Variants in FANCL observed in about 807,000 individuals in gnomAD.
The protein encoded by FANCL is E3 ubiquitin-protein ligase FANCL.
Under a neutral mutation model 59.4 loss-of-function variants are expected in FANCL, and 69 were observed. That is an observed-to-expected ratio of 1.16 (90% CI 0.96 to 1.42). The LOEUF (loss-of-function observed/expected upper bound fraction) is 1.42, where lower values mean the gene tolerates loss of function less well. Among genes scored for constraint, FANCL ranks in the 40% most tolerant of loss-of-function variants. FANCL has a pLI of 0.00. For synonymous variants in FANCL, 180 were observed against 147.1 expected, an observed-to-expected ratio of 1.22 and a Z score of -1.62; for missense variants, 519 against 447.2, an observed-to-expected ratio of 1.16 and a Z score of -1.45.
intron 7 of FANCL, among the ~76,000 whole-genome samples, chr2:58,179,153 C>A (rs779047274): frequency 3.9e-5 from 6 of 152,184 alleles, no homozygotes; most frequent in Non-Finnish European, 7.4e-5. Flanking sequence ...AATGGCCATA[C>A]TGCCCTAAGT....
intron 1 of FANCL, among the ~76,000 whole-genome samples, chr2:58,235,140 TATA>T (rs1397880113): frequency 6.6e-6 from 1 of 151,602 alleles, no homozygotes; most frequent in African/African-American, 2.4e-5. Context: ...ATTCGCAAGG[TATA>T]GTACCAAGCA....
intron 5 of FANCL, among the ~76,000 whole-genome samples, chr2:58,217,207 TATATATATACACACACACAC>T (rs1482398658): frequency 3.1e-3 from 33 of 10,696 alleles, no homozygotes; most frequent in African/African-American, 7.3e-3. Flanking sequence ...TATATATATA[TATATATATACACACACACAC>T]ACACACACAC....
chr2:58,184,126 A>G (rs1688181864), intron 7 of FANCL, among the ~76,000 whole-genome samples: 1 of 152,058 alleles, frequency 6.6e-6, no homozygotes, highest in Non-Finnish European at 1.5e-5. Context: ...AATTATTACA[A>G]TGTAATCTCA....
At chr2:58,211,475 G>C (rs1041637696) in intron 5 of FANCL, among the ~76,000 whole-genome samples, 7 of 152,172 alleles carry the variant, frequency 4.6e-5, no homozygotes, top group African/African-American at 1.7e-4. Flanking sequence ...ATGCCCTGGA[G>C]ACATTTTCCC....
At chr2:58,193,818 T>C (rs1303504197) in intron 7 of FANCL, among the ~76,000 whole-genome samples, 2 of 152,110 alleles carry the variant, frequency 1.3e-5, no homozygotes, top group African/African-American at 2.4e-5. Context: ...TCTTTACATA[T>C]CCATGAAAAG....
intron 5 of FANCL, among the ~76,000 whole-genome samples, chr2:58,218,362 T>A (rs922923277): frequency 1.3e-5 from 2 of 151,898 alleles, no homozygotes; most frequent in Admixed American, 1.3e-4. Context: ...AAGTTGGGTC[T>A]TTGAAAAAAC....
Position 58,163,575 on chromosome 2 carries a change from T to TA in FANCL, c.692-59dup, listed in dbSNP as rs1685534274. 14 of 1,080,948 alleles carry TA rather than the reference T, an allele frequency of 1.3e-5. No individual in the cohort carries two copies. The South Asian group carries it at 1.8e-4, about 14-fold the overall frequency. The allele number at this position is 1,080,948 out of a possible 1,614,324, so 67.0% of individuals were successfully genotyped here. A position where few individuals can be genotyped will look rare whatever the true frequency, so the allele number is the denominator to read the frequency against. ...TAGAACAGCTCATCAAACAACCCAA[T>TA]AAAAAATAAAGAGGTGTTGGTCTGG... On this transcript the variant is annotated intron_variant, in intron 8 of 13. Coordinates refer to ENST00000233741, the MANE Select transcript of FANCL (RefSeq NM_018062.4).
At chr2:58,239,628 T>C (rs1009583721) in intron 1 of FANCL, among the ~76,000 whole-genome samples, 1 of 152,212 alleles carries the variant, frequency 6.6e-6, no homozygotes, top group African/African-American at 2.4e-5. Context: ...TCATTAAATA[T>C]CCTGATTTTA....
Position 58,233,049 on chromosome 2 carries a change from A to G in FANCL, c.97-937T>C, listed in dbSNP as rs184111605. Among the ~76,000 whole-genome samples the G allele has an allele frequency of 4.1e-3, 629 of 152,208 alleles. 5 individuals carry two copies. The highest frequency in any genetic ancestry group is 0.014 in the African/African-American group (589 of 41,552). ...TGGTAATATTACAGTTCTGACTTTC[A>G]TTACATTTAAATGTCCTTTAAAAAA... is the stretch of plus-strand genomic sequence containing the variant. On this transcript the variant is annotated intron_variant, in intron 1 of 13. Coordinates refer to ENST00000233741, the MANE Select transcript of FANCL (RefSeq NM_018062.4).
At chr2:58,238,027 G>A (rs917212237) in intron 1 of FANCL, among the ~76,000 whole-genome samples, 2 of 152,180 alleles carry the variant, frequency 1.3e-5, no homozygotes, top group Non-Finnish European at 2.9e-5. Flanking sequence ...GAGGCCTCAT[G>A]GCCAATAGCT....
intron 6 of FANCL, 150 bp from the exon 7 acceptor site, chr2:58,198,812 A>G (rs1221033620): frequency 3.3e-5 from 21 of 633,900 alleles, no homozygotes; most frequent in South Asian, 2.1e-4. Flanking sequence ...GGCGGATCAC[A>G]AGGTCAGGAG....
At chr2:58,202,665 A>G (rs1288858651) in intron 6 of FANCL, among the ~76,000 whole-genome samples, 1 of 151,918 alleles carries the variant, frequency 6.6e-6, no homozygotes, top group Non-Finnish European at 1.5e-5. Context: ...AAATACTAAA[A>G]GCATCATCTT....
chr2:58,201,696 T>C (rs981143275), intron 6 of FANCL, among the ~76,000 whole-genome samples: 3 of 152,030 alleles, frequency 2.0e-5, no homozygotes, highest in Non-Finnish European at 2.9e-5. Context: ...CATAAAAATA[T>C]ACCTATAAAA....
chr2:58,209,073 C>G (rs946916750), intron 5 of FANCL, among the ~76,000 whole-genome samples: 2 of 152,216 alleles, frequency 1.3e-5, no homozygotes, highest in Admixed American at 6.5e-5. Flanking sequence ...CAACATTCAT[C>G]TCCTCTAAGA....
intron 12 of FANCL, 112 bp downstream of exon 12, chr2:58,161,410 A>AAG: frequency 2.6e-6 from 2 of 784,226 alleles, no homozygotes; most frequent in South Asian, 2.7e-5. Context: ...TTAATGGCAA[A>AAG]AGAGAGGATC....
intron 7 of FANCL, among the ~76,000 whole-genome samples, chr2:58,195,428 T>C (rs536342551): frequency 6.6e-6 from 1 of 152,282 alleles, no homozygotes; most frequent in African/African-American, 2.4e-5. Context: ...TCAAATTGTA[T>C]AAGCATATAG....
At chr2:58,197,181 G>A (rs1689519621) in intron 7 of FANCL, among the ~76,000 whole-genome samples, 2 of 150,492 alleles carry the variant, frequency 1.3e-5, no homozygotes, top group Admixed American at 6.6e-5. Context: ...AAAAGGATAT[G>A]AGAAAAATAA....
Position 58,177,180 on chromosome 2 carries a change from G to T in FANCL, c.541-11306C>A, listed in dbSNP as rs1209308278. ...AAATAGGAACACTTTTACACTGTTG[G>T]TGGGACTGTAAACTAGTTCAACCCT... On this transcript the variant is annotated intron_variant, in intron 7 of 13. Transcript: ENST00000233741. Among the ~76,000 whole-genome samples, 4 of 152,178 alleles carry T rather than the reference G, an allele frequency of 2.6e-5. No individual in the cohort carries two copies. The South Asian group carries it at 6.2e-4, about 24-fold the overall frequency.
intron 7 of FANCL, among the ~76,000 whole-genome samples, chr2:58,196,859 ACACAACCTAGCTATAATATTTTCT>A (rs1371801972): frequency 6.6e-6 from 1 of 151,940 alleles, no homozygotes; most frequent in Admixed American, 6.6e-5. Flanking sequence ...GGAAAGAGTA[ACACAACCTAGCTATAATATTTTCT>A]CATGATCTCA....
Sources: allele counts gnomAD v4.1 joint callset (sites outside exome capture counted in the v4.1 genomes callset), GRCh38; gene constraint gnomAD v4.1.1; transcripts MANE v1.5; gene names NCBI Gene and HGNC (gene_info 2026-07-23, HGNC 2026-07-21).